The following IGF2BP1 variants were observed in gnomAD, a reference collection of about 807,000 sequenced individuals.
IGF2BP1 encodes the protein insulin-like growth factor 2 mRNA-binding protein 1.
IGF2BP1 carries 11 observed loss-of-function variants against 74.9 expected under a neutral mutation model. That is an observed-to-expected ratio of 0.15 (90% CI 0.09 to 0.24). IGF2BP1 has a LOEUF of 0.24. Ranked by LOEUF, IGF2BP1 falls within the 10% of genes least tolerant of loss-of-function variation. The probability of loss-of-function intolerance (pLI) is 1.00; values close to 1 mark genes in which losing one functional copy is unlikely to be tolerated. For missense variants in IGF2BP1, 440 were observed against 757.4 expected (o/e 0.58, Z 4.92); for synonymous variants, 287 against 281.8 (o/e 1.02, Z -0.18).
At chr17:49,014,425 C>T (rs9913370) in intron 2 of IGF2BP1, among the ~76,000 whole-genome samples, 1,950 of 151,880 alleles carry the variant, frequency 0.013, 52 homozygotes, top group African/African-American at 0.045. Context: ...GCCGTCCCCT[C>T]CTCCTGGCCA....
chr17:49,045,779 A>T, intron 12 of IGF2BP1, 111 bp from the exon 13 acceptor site: 1 of 1,145,730 alleles, frequency 8.7e-7, no homozygotes, highest in Non-Finnish European at 1.2e-6. Flanking sequence ...CCCGCCTAGG[A>T]TGGGGAGGGC....
At position 49,030,113 on chromosome 17, in the gene IGF2BP1, G is replaced by A. The variant is rs2041905480; in HGVS notation, c.338-1797G>A. 2.7e-5 allele frequency among the ~76,000 whole-genome samples: 4 copies of A among 149,290 alleles called. No individual in the cohort carries two copies. The South Asian group carries it at 8.5e-4, about 32-fold the overall frequency. ...TTTTTTTTCTTTCTAGACTTCTACA[G>A]CCATTCCTGTCAGTCCATTTAGCTG... On this transcript the variant is annotated intron_variant, in intron 4 of 14. Transcript: ENST00000290341.
chr17:49,023,823 A>G (rs1355993297), intron 2 of IGF2BP1, among the ~76,000 whole-genome samples: 1 of 152,188 alleles, frequency 6.6e-6, no homozygotes, highest in African/African-American at 2.4e-5. Flanking sequence ...GTCAATTTAA[A>G]AATCTTAAAC....
rs935192062 is a variant in IGF2BP1 at position 49,053,378 on chromosome 17, G to A, written c.*3934G>A. ...GCTGTCTGAGGAGGAAGGCCTCCTG[G>A]AAACTGGGAGCTAAGGGCGAGGCCC... On this transcript the variant is annotated 3_prime_UTR_variant, in exon 15 of 15. Coordinates refer to ENST00000290341, the MANE Select transcript of IGF2BP1 (RefSeq NM_006546.4). 17 of 152,752 alleles carry A rather than the reference G, an allele frequency of 1.1e-4. No homozygotes were observed. Among genetic ancestry groups the A allele is most frequent in the Admixed American group, 9.8e-4 (15 of 15,286 alleles). The allele number at this position is 152,752 out of a possible 1,614,324, so 9.5% of individuals were successfully genotyped here.
Position 48,997,827 on chromosome 17 carries a change from T to A in IGF2BP1, c.82T>A (p.Ser28Thr), listed in dbSNP as rs1225106503. The change falls in exon 1 of 15, where the codon TCC becomes ACC. Residue 28 changes from serine to threonine, a missense_variant. Coordinates refer to ENST00000290341, the MANE Select transcript of IGF2BP1 (RefSeq NM_006546.4). This position sits in a 1 kb window ranked among gnomAD's most constrained non-coding sequence, Gnocchi z 4.8. ...GAAAGTGTTTGCGGAGCACAAGATC[T>A]CCTACAGCGGCCAGTTCTTGGTCAA... ...LEKVFAEHKISYSGQFLVKSG... is the reference protein window; with the variant it reads ...LEKVFAEHKITYSGQFLVKSG... 6.2e-7 allele frequency: 1 copy of A among 1,613,968 alleles called. No homozygotes were observed. Among genetic ancestry groups the A allele is most frequent in the Non-Finnish European group, 8.5e-7 (1 of 1,180,018 alleles).
intron 5 of IGF2BP1, among the ~76,000 whole-genome samples, chr17:49,033,531 T>C (rs539031954): frequency 1.3e-4 from 19 of 151,930 alleles, no homozygotes; most frequent in Middle Eastern, 6.8e-3. Flanking sequence ...TTAGTAGAGA[T>C]GGGGTCTCAC....
chr17:49,020,764 C>T (rs926035867), intron 2 of IGF2BP1, among the ~76,000 whole-genome samples: 1 of 152,094 alleles, frequency 6.6e-6, no homozygotes, highest in Non-Finnish European at 1.5e-5. Context: ...CTTCCAGCAG[C>T]GTATTTCCAT....
chr17:49,055,764 TACTC>T lies in IGF2BP1; in HGVS notation c.*6322_*6325del, dbSNP rs1394526443. On this transcript the variant is annotated 3_prime_UTR_variant, in exon 15 of 15. Coordinates refer to ENST00000290341, the MANE Select transcript of IGF2BP1 (RefSeq NM_006546.4). ...TTGTAAGCAGTTCTGAAACATCACT[TACTC>T]AGAAGAGGGAACGATGTATTTTGAT... The T allele has an allele frequency of 1.3e-5, 5 of 396,836 alleles. No homozygotes were observed. The highest frequency in any genetic ancestry group is 6.2e-5 in the African/African-American group (3 of 48,370). 24.6% of individuals were successfully genotyped at this position (396,836 alleles called of 1,614,324 possible).
chr17:49,025,857 C>CTTTT (rs797001122), intron 3 of IGF2BP1, among the ~76,000 whole-genome samples, 191 bp downstream of exon 3: 1 of 94,616 alleles, frequency 1.1e-5, no homozygotes, highest in African/African-American at 3.3e-5. Context: ...TCTTTTCTTT[C>CTTTT]TTTTTTTTTT....
At chr17:49,008,566 C>T (rs770068248) in intron 2 of IGF2BP1, among the ~76,000 whole-genome samples, 2 of 152,144 alleles carry the variant, frequency 1.3e-5, no homozygotes, top group Non-Finnish European at 2.9e-5. Context: ...CTTTGTTCCA[C>T]TCTTCTACCC....
rs375596852 is a variant in IGF2BP1 at position 49,043,949 on chromosome 17, C to T, written c.1201-18C>T. On this transcript the variant is annotated intron_variant, in intron 10 of 14. Transcript: ENST00000290341. The stretch of plus-strand genomic sequence containing the variant: ...TGCTACTTGGGCCCCCTGGTAACAA[C>T]GCCTCCTATCCTGGCAGCAGGCTCC... The T allele has an allele frequency of 3.8e-5, 62 of 1,611,890 alleles. No homozygotes were observed. Among genetic ancestry groups the T allele is most frequent in the South Asian group, 2.8e-4 (25 of 90,874 alleles).
At chr17:49,046,737 T>C (rs2042111919) in intron 14 of IGF2BP1, among the ~76,000 whole-genome samples, 2 of 151,816 alleles carry the variant, frequency 1.3e-5, no homozygotes, top group Non-Finnish European at 2.9e-5. Flanking sequence ...AGAAGATTAG[T>C]TTTGTTCATG....
chr17:48,996,989 G>C (rs2041409756), upstream of IGF2BP1, among the ~76,000 whole-genome samples: 1 of 152,138 alleles, frequency 6.6e-6, no homozygotes, highest in Non-Finnish European at 1.5e-5. Flanking sequence ...GCCGTCCCCC[G>C]CCTGTCAGTC....
At chr17:49,041,094 G>C (rs181779598) in intron 7 of IGF2BP1, among the ~76,000 whole-genome samples, 105 of 152,270 alleles carry the variant, frequency 6.9e-4, no homozygotes, top group African/African-American at 2.4e-3. Flanking sequence ...AGGGAGGATC[G>C]CATGAGCCCA....
At position 49,052,434 on chromosome 17, in the gene IGF2BP1, T is replaced by G. The variant is rs2042177982; in HGVS notation, c.*2990T>G. On this transcript the variant is annotated 3_prime_UTR_variant, in exon 15 of 15. Transcript: ENST00000290341. The stretch of plus-strand genomic sequence containing the variant: ...TTGGGGGCCTGCTCCCTTCACACCT[T>G]GAGCCCAAGTCCTTTTCCGTTGGCT... 6.6e-6 allele frequency: 1 copy of G among 152,198 alleles called. No homozygotes were observed. Among genetic ancestry groups the G allele is most frequent in the Non-Finnish European group, 1.5e-5 (1 of 68,052 alleles). The allele number at this position is 152,198 out of a possible 1,614,324, so 9.4% of individuals were successfully genotyped here.
chr17:49,007,540 G>A (rs2041564653), intron 2 of IGF2BP1, among the ~76,000 whole-genome samples: 1 of 152,224 alleles, frequency 6.6e-6, no homozygotes, highest in Non-Finnish European at 1.5e-5. Flanking sequence ...CCATCCGGAT[G>A]TGGTTTTCAG....
At chr17:49,012,688 C>T (rs2041635644) in intron 2 of IGF2BP1, among the ~76,000 whole-genome samples, 1 of 152,104 alleles carries the variant, frequency 6.6e-6, no homozygotes, top group South Asian at 2.1e-4. Context: ...AAGAGTTGAC[C>T]TTTGTTACAG....
intron 5 of IGF2BP1, among the ~76,000 whole-genome samples, chr17:49,034,418 C>CT (rs113257512): frequency 8.7e-4 from 123 of 141,970 alleles, no homozygotes; most frequent in African/African-American, 1.3e-3. Context: ...CACACTTGGC[C>CT]TTTTTTTTTT....
chr17:49,037,493 A>G (rs918094864), intron 5 of IGF2BP1: 3 of 215,622 alleles, frequency 1.4e-5, no homozygotes, highest in Non-Finnish European at 2.9e-5. Context: ...TTATAGTATA[A>G]ATTTCCTTAA....
Sources: allele counts gnomAD v4.1 joint callset (sites outside exome capture counted in the v4.1 genomes callset), GRCh38; gene constraint gnomAD v4.1.1; non-coding constraint Gnocchi (gnomAD v3.1); transcripts MANE v1.5; gene names NCBI Gene and HGNC (gene_info 2026-07-23, HGNC 2026-07-21).